Variants in ICE2 observed in about 807,000 individuals in gnomAD.
ICE2 encodes interactor of little elongation complex ELL subunit 2, also known as little elongation complex subunit 2.
Under a neutral mutation model 105.4 loss-of-function variants are expected in ICE2, and 87 were observed. That is an observed-to-expected ratio of 0.83 (90% CI 0.69 to 0.99). The LOEUF is 0.99. Ranked by LOEUF, ICE2 falls within the 50% of genes least tolerant of loss-of-function variation. The pLI is 0.00. For missense variants in ICE2, 1,323 were observed against 1,146.7 expected (o/e 1.15, Z -2.22); for synonymous variants, 399 against 392.0 (o/e 1.02, Z -0.21).
Position 60,455,462 on chromosome 15 carries a change from C to A in ICE2, c.667-20G>T. The A allele has an allele frequency of 5.5e-6, 8 of 1,465,002 alleles. No individual in the cohort carries two copies. The highest frequency in any genetic ancestry group is 7.6e-6 in the Non-Finnish European group (8 of 1,054,580). The allele number at this position is 1,465,002 out of a possible 1,614,324, so 90.8% of individuals were successfully genotyped here. A position where few individuals can be genotyped will look rare whatever the true frequency, so the allele number is the denominator to read the frequency against. On this transcript the variant is annotated intron_variant, in intron 6 of 15. Coordinates refer to ENST00000261520, the MANE Select transcript of ICE2 (RefSeq NM_024611.6). ...ACTGCCCTAAATATGAAAAAAAAAT[C>A]ATTTTATTGCAAAAATCGCAATGTA...
chr15:60,448,354 CT>C (rs2063871935), intron 10 of ICE2, among the ~76,000 whole-genome samples: 1 of 152,142 alleles, frequency 6.6e-6, no homozygotes, highest in African/African-American at 2.4e-5. Flanking sequence ...GGTTCTTCTC[CT>C]TTTAACTTTC....
intron 15 of ICE2, among the ~76,000 whole-genome samples, chr15:60,426,906 A>C (rs1280018683): frequency 6.6e-6 from 1 of 152,224 alleles, no homozygotes; most frequent in East Asian, 1.9e-4. Context: ...TTACTTAAGA[A>C]AATTTTTCCT....
At chr15:60,445,656 A>G in intron 11 of ICE2, 1 of 984,924 alleles carries the variant, frequency 1.0e-6, no homozygotes, top group East Asian at 1.1e-4. Flanking sequence ...GAAATTTACA[A>G]ATTTCACCTT....
rs1213531844 is a variant in ICE2 at position 60,478,075 on chromosome 15, TA to T, written c.-92-7del. 10 of 1,141,016 alleles carry T rather than the reference TA, an allele frequency of 8.8e-6. No homozygotes were observed. Among genetic ancestry groups the T allele is most frequent in the South Asian group, 8.7e-5 (7 of 80,678 alleles). The allele number at this position is 1,141,016 out of a possible 1,614,324, so 70.7% of individuals were successfully genotyped here. On this transcript the variant is annotated splice_polypyrimidine_tract_variant and splice_region_variant and intron_variant, in intron 1 of 15. Transcript: ENST00000261520. ...TCCCTCCAGAACTTACTCAGCTGAG[TA>T]AAAACAAAAGGCCAAGATCAAAAGC...
At chr15:60,466,228 A>G (rs2064423666) in intron 5 of ICE2, among the ~76,000 whole-genome samples, 1 of 152,234 alleles carries the variant, frequency 6.6e-6, no homozygotes, top group African/African-American at 2.4e-5. Context: ...TAATGAGCAC[A>G]AGTTCACTTG....
At chr15:60,464,914 G>T (rs1413838607) in intron 5 of ICE2, among the ~76,000 whole-genome samples, 1 of 152,118 alleles carries the variant, frequency 6.6e-6, no homozygotes, top group African/African-American at 2.4e-5. Context: ...GAGCTGGGGA[G>T]GATCACTTGA....
intron 12 of ICE2, among the ~76,000 whole-genome samples, chr15:60,437,492 T>G (rs1394754055): frequency 2.0e-5 from 3 of 151,338 alleles, no homozygotes; most frequent in African/African-American, 7.3e-5. Context: ...CCACCAGGCC[T>G]GGCTAATTTT....
intron 10 of ICE2, 38 bp from the exon 11 acceptor site, chr15:60,448,183 G>C (rs1285502406): frequency 1.5e-6 from 2 of 1,322,270 alleles, no homozygotes; most frequent in Non-Finnish European, 2.1e-6. Flanking sequence ...AAATACATTA[G>C]CTCTTACCCA....
At chr15:60,436,248 T>G in intron 12 of ICE2, 21 bp from the exon 13 acceptor site, 1 of 1,022,920 alleles carries the variant, frequency 9.8e-7, no homozygotes, top group Non-Finnish European at 1.4e-6. Context: ...ATATCAAACT[T>G]AGAAAGAAGA....
At chr15:60,438,048 T>C (rs1473315456) in intron 12 of ICE2, 3 of 152,178 alleles carry the variant, frequency 2.0e-5, no homozygotes, top group African/African-American at 4.8e-5. Context: ...GCTTTTGTTA[T>C]AACAAGTAAT....
At chr15:60,447,833 AC>A (rs1715038812) in intron 11 of ICE2, 136 bp downstream of exon 11, 1 of 675,834 alleles carries the variant, frequency 1.5e-6, no homozygotes, top group East Asian at 2.7e-5. Flanking sequence ...TTTAGTAAAA[AC>A]AAAAAACAAA....
intron 6 of ICE2, among the ~76,000 whole-genome samples, chr15:60,456,019 A>G (rs1566994326): frequency 6.6e-6 from 1 of 151,928 alleles, no homozygotes; most frequent in African/African-American, 2.4e-5. Flanking sequence ...TCCTCTCCAC[A>G]CACTTATTTC....
chr15:60,431,980 A>T lies in ICE2; in HGVS notation c.2515T>A (p.Ser839Thr), dbSNP rs200569787. Residue 839 changes from serine to threonine, a missense_variant, in exon 14 of 16, where the codon TCC (serine) becomes ACC (threonine). Coordinates refer to ENST00000261520, the MANE Select transcript of ICE2 (RefSeq NM_024611.6). The part of the protein sequence containing the change: ...LKEKLSALKI[S>T]NLFNILQHIL... The stretch of plus-strand genomic sequence containing the variant: ...TGTTGGAGGATGTTAAATAAATTGG[A>T]AATCCTGATAAACAAAAGAAATTCA... The T allele has an allele frequency of 3.6e-6, 5 of 1,406,604 alleles. No individual in the cohort carries two copies. In the Admixed American group the frequency reaches 7.3e-5, roughly 20 times the overall value. The allele number at this position is 1,406,604 out of a possible 1,614,324, so 87.1% of individuals were successfully genotyped here.
At chr15:60,442,824 T>C (rs1297346271) in intron 11 of ICE2, 1 of 226,934 alleles carries the variant, frequency 4.4e-6, no homozygotes, top group Non-Finnish European at 8.4e-6. Context: ...AGGTTTGATT[T>C]TGGTCAGGGA....
intron 13 of ICE2, among the ~76,000 whole-genome samples, chr15:60,432,848 C>T (rs1020301860): frequency 1.3e-5 from 2 of 151,922 alleles, no homozygotes; most frequent in African/African-American, 2.4e-5. Context: ...GCCGAGATGG[C>T]GTTACTGCAC....
At chr15:60,444,874 G>A (rs559925424) in intron 11 of ICE2, among the ~76,000 whole-genome samples, 1 of 152,152 alleles carries the variant, frequency 6.6e-6, no homozygotes, top group South Asian at 2.1e-4. Flanking sequence ...TAGTAGAGAT[G>A]GGGTTTCACC....
rs527774404 is a variant in ICE2 at position 60,452,886 on chromosome 15, C to T, written c.1125+717G>A. ...TGAAGATTAACAATCTGGCAAAATA[C>T]TTTCTGTAACAATCAAATTAAGCTC... On this transcript the variant is annotated intron_variant, in intron 9 of 15. Coordinates refer to ENST00000261520, the MANE Select transcript of ICE2 (RefSeq NM_024611.6). 4.1e-4 allele frequency: 402 copies of T among 985,374 alleles called. 2 individuals carry two copies. The highest frequency in any genetic ancestry group is 5.2e-4 in the South Asian group (11 of 21,278). 61.0% of individuals were successfully genotyped at this position (985,374 alleles called of 1,614,324 possible).
chr15:60,451,153 C>T, intron 9 of ICE2: 1 of 761,394 alleles, frequency 1.3e-6, no homozygotes, highest in Non-Finnish European at 1.6e-6. Flanking sequence ...TTGACAGAGA[C>T]ACAATTATAC....
At chr15:60,451,599 C>G (rs1024655223) in intron 9 of ICE2, 156 of 984,912 alleles carry the variant, frequency 1.6e-4, no homozygotes, top group Non-Finnish European at 1.8e-4. Flanking sequence ...TTATCATCCT[C>G]TCATTTTTAC....
Sources: gnomAD v4.1 joint callset for allele counts (sites outside exome capture counted in the v4.1 genomes callset) on GRCh38, gnomAD v4.1.1 for gene constraint, MANE v1.5 for transcripts, NCBI Gene and HGNC (gene_info 2026-07-23, HGNC 2026-07-21) for gene names.